PPFIA1: variants seen among roughly 807,000 people sequenced by gnomAD.
PPFIA1 encodes the protein liprin-alpha-1.
In PPFIA1, 25 loss-of-function variants were observed where a neutral mutation model predicts 149.9. The observed-to-expected ratio is 0.17, with a 90% CI of 0.12 to 0.23. PPFIA1 has a LOEUF of 0.23. PPFIA1 is among the 10% of genes least tolerant of loss of function. The pLI is 1.00. For synonymous variants in PPFIA1, 549 were observed against 552.8 expected, an observed-to-expected ratio of 0.99 and a Z score of 0.10; for missense variants, 1,362 against 1,506.5, an observed-to-expected ratio of 0.90 and a Z score of 1.59.
At chr11:70,283,032 G>T (rs1455073230) in intron 2 of PPFIA1, among the ~76,000 whole-genome samples, 1 of 149,370 alleles carries the variant, frequency 6.7e-6, no homozygotes, top group Non-Finnish European at 1.5e-5. Context: ...TAGAGACGGG[G>T]TTTCACCATG....
chr11:70,277,996 C>A lies in PPFIA1; in HGVS notation c.264+5560C>A, dbSNP rs139945373. Among the ~76,000 whole-genome samples, 182 of 152,178 alleles carry A rather than the reference C, an allele frequency of 1.2e-3. 1 individual carries two copies. The highest frequency in any genetic ancestry group is 4.0e-3 in the African/African-American group (167 of 41,510). The stretch of plus-strand genomic sequence containing the variant: ...TGTGATCTTGGCTCACTGCAACCAC[C>A]GCCTCCCGGGTTCAAGCAATTCTCC... On this transcript the variant is annotated intron_variant, in intron 2 of 27. Transcript: ENST00000253925.
At chr11:70,286,284 T>G (rs949001483) in intron 2 of PPFIA1, among the ~76,000 whole-genome samples, 1 of 152,162 alleles carries the variant, frequency 6.6e-6, no homozygotes, top group African/African-American at 2.4e-5. Flanking sequence ...TGGAGTCTCG[T>G]CCTGTTGCCC....
chr11:70,331,878 G>A, intron 8 of PPFIA1, 82 bp from the exon 9 acceptor site: 2 of 1,448,138 alleles, frequency 1.4e-6, no homozygotes, highest in Non-Finnish European at 1.9e-6. Flanking sequence ...GTCTGTATCT[G>A]CATTTCAGTT....
chr11:70,313,044 A>G (rs961198592), intron 2 of PPFIA1, among the ~76,000 whole-genome samples: 1 of 152,138 alleles, frequency 6.6e-6, no homozygotes, highest in Non-Finnish European at 1.5e-5. Flanking sequence ...GTCAGAGGGA[A>G]CAACCGTGGT....
intron 2 of PPFIA1, 87 bp downstream of exon 2, chr11:70,272,523 A>G: frequency 7.2e-7 from 1 of 1,394,896 alleles, no homozygotes; most frequent in African/African-American, 1.4e-5. Context: ...GTTTCAGATG[A>G]GTATTTTCCG....
At chr11:70,307,888 G>A (rs536718026) in intron 2 of PPFIA1, among the ~76,000 whole-genome samples, 2 of 152,258 alleles carry the variant, frequency 1.3e-5, no homozygotes, top group Admixed American at 6.5e-5. Flanking sequence ...GTTACAGCAC[G>A]GCACTCCAGC....
intron 2 of PPFIA1, among the ~76,000 whole-genome samples, chr11:70,298,372 C>T (rs2052233308): frequency 6.6e-6 from 1 of 152,164 alleles, no homozygotes; most frequent in Non-Finnish European, 1.5e-5. Context: ...TTTTCTTGTG[C>T]AAACCATAGA....
intron 21 of PPFIA1, chr11:70,364,932 C>T (rs374279217): frequency 6.2e-6 from 1 of 161,586 alleles, no homozygotes. Flanking sequence ...CAGTGACCCC[C>T]TCTGCCCTGT....
intron 21 of PPFIA1, among the ~76,000 whole-genome samples, chr11:70,370,611 C>T (rs1429942113): frequency 6.6e-6 from 1 of 152,010 alleles, no homozygotes; most frequent in Non-Finnish European, 1.5e-5. Flanking sequence ...GGTGTCGGAA[C>T]TCCTGACCAA....
At position 70,343,897 on chromosome 11, in the gene PPFIA1, G is replaced by A. The variant is rs751899901; in HGVS notation, c.1931+5G>A. On this transcript the variant is annotated splice_donor_5th_base_variant and intron_variant, in intron 15 of 27. Transcript: ENST00000253925. The stretch of plus-strand genomic sequence containing the variant: ...CGCCATCAACAAAGAGATCAGGTGT[G>A]TGCAACCGTGCATGACACTCACCAC... 3 of 1,609,528 alleles carry A rather than the reference G, an allele frequency of 1.9e-6. No homozygotes were observed. Among genetic ancestry groups the A allele is most frequent in the Non-Finnish European group, 2.5e-6 (3 of 1,178,112 alleles).
chr11:70,352,067 G>T (rs1243122863), intron 16 of PPFIA1, among the ~76,000 whole-genome samples: 1 of 152,198 alleles, frequency 6.6e-6, no homozygotes, highest in Non-Finnish European at 1.5e-5. Context: ...GCCTGATGGT[G>T]CAGTGACTGG....
At chr11:70,333,673 G>C in intron 10 of PPFIA1, 120 bp downstream of exon 10, 1 of 773,024 alleles carries the variant, frequency 1.3e-6, no homozygotes, top group Non-Finnish European at 2.2e-6. Context: ...GCTCAGTTCT[G>C]GTCGCGTGCA....
intron 6 of PPFIA1, 30 bp downstream of exon 6, chr11:70,326,393 T>C: frequency 1.3e-6 from 2 of 1,518,640 alleles, no homozygotes; most frequent in Non-Finnish European, 1.8e-6. Flanking sequence ...CTTTATTCTG[T>C]TTGATTTCAT....
At chr11:70,336,734 G>A (rs1046588819) in intron 11 of PPFIA1, among the ~76,000 whole-genome samples, 2 of 152,120 alleles carry the variant, frequency 1.3e-5, no homozygotes, top group Non-Finnish European at 2.9e-5. Context: ...AATCTGTGTC[G>A]GAGAAGCTCT....
intron 2 of PPFIA1, among the ~76,000 whole-genome samples, chr11:70,278,468 G>A (rs1461222551): frequency 6.6e-6 from 1 of 152,044 alleles, no homozygotes; most frequent in African/African-American, 2.4e-5. Context: ...GTCAGCTTTT[G>A]GTGTTATTGT....
At chr11:70,289,954 G>T (rs1010480668) in intron 2 of PPFIA1, among the ~76,000 whole-genome samples, 1 of 152,126 alleles carries the variant, frequency 6.6e-6, no homozygotes, top group Non-Finnish European at 1.5e-5. Context: ...TTTCAGCCAG[G>T]TGCAGTGGCT....
chr11:70,307,033 T>C (rs1207965224), intron 2 of PPFIA1, among the ~76,000 whole-genome samples: 1 of 152,174 alleles, frequency 6.6e-6, no homozygotes. Flanking sequence ...GATTCCTGTA[T>C]GATAGGCAAT....
intron 1 of PPFIA1, 80 bp from the exon 2 acceptor site, chr11:70,272,093 A>G: frequency 2.1e-6 from 3 of 1,452,698 alleles, no homozygotes; most frequent in Non-Finnish European, 2.8e-6. Flanking sequence ...CTTTTTAGCT[A>G]CAGATACCTG....
intron 2 of PPFIA1, among the ~76,000 whole-genome samples, chr11:70,284,818 G>A (rs2050997912): frequency 6.6e-6 from 1 of 152,064 alleles, no homozygotes; most frequent in African/African-American, 2.4e-5. Flanking sequence ...TGGTTACTTG[G>A]CCTGGAGGGA....
Sources: allele counts gnomAD v4.1 joint callset (sites outside exome capture counted in the v4.1 genomes callset), GRCh38; gene constraint gnomAD v4.1.1; transcripts MANE v1.5; gene names NCBI Gene and HGNC (gene_info 2026-07-23, HGNC 2026-07-21).